SLC27A2: variants seen among roughly 807,000 people sequenced by gnomAD.
SLC27A2 encodes the protein long-chain fatty acid transport protein 2.
In SLC27A2, 54 loss-of-function variants were observed where a neutral mutation model predicts 60.0. The ratio of observed to expected loss-of-function variants is 0.90; its 90% CI spans 0.72 to 1.13. The LOEUF is 1.13. Among genes scored for constraint, SLC27A2 ranks in the 50% most tolerant of loss-of-function variants. The pLI is 0.00. For missense variants in SLC27A2, 739 were observed against 777.6 expected, an observed-to-expected ratio of 0.95 and a Z score of 0.59; for synonymous variants, 297 against 297.6, an observed-to-expected ratio of 1.00 and a Z score of 0.02.
chr15:50,224,066 A>G (rs1567436731), intron 5 of SLC27A2, among the ~76,000 whole-genome samples: 1 of 152,340 alleles, frequency 6.6e-6, no homozygotes, highest in East Asian at 1.9e-4. Flanking sequence ...CCTCAATTTC[A>G]TCATCTGTAA....
chr15:50,212,236 A>G (rs897629891), intron 4 of SLC27A2, among the ~76,000 whole-genome samples: 4 of 152,130 alleles, frequency 2.6e-5, no homozygotes, highest in Non-Finnish European at 5.9e-5. Flanking sequence ...AATTAACCCA[A>G]TAAATAAAGA....
intron 5 of SLC27A2, among the ~76,000 whole-genome samples, chr15:50,224,579 G>A (rs2045266609): frequency 6.6e-6 from 1 of 152,158 alleles, no homozygotes; most frequent in Non-Finnish European, 1.5e-5. Context: ...CTAATCTCAA[G>A]GTGTTCCCAA....
Position 50,183,373 on chromosome 15 carries a change from TCTC to T in SLC27A2, c.478+472_478+474del, listed in dbSNP as rs1202985153. 3.9e-5 allele frequency among the ~76,000 whole-genome samples: 6 copies of T among 152,204 alleles called. No homozygotes were observed. The East Asian group carries it at 7.7e-4, about 20-fold the overall frequency. ...GCTGTGTGATCATGGGAAAGTCACT[TCTC>T]CTCTCTGTCCCTTGGTTTGCTCCTC... On this transcript the variant is annotated intron_variant, in intron 1 of 9. Transcript: ENST00000267842.
At chr15:50,194,242 C>G (rs1458085518) in intron 1 of SLC27A2, among the ~76,000 whole-genome samples, 1 of 152,062 alleles carries the variant, frequency 6.6e-6, no homozygotes, top group African/African-American at 2.4e-5. Context: ...AAGGGAGCAG[C>G]TAACTTTGCA....
At chr15:50,209,867 A>T (rs911559853) in intron 4 of SLC27A2, among the ~76,000 whole-genome samples, 4 of 152,198 alleles carry the variant, frequency 2.6e-5, no homozygotes, top group Non-Finnish European at 5.9e-5. Context: ...AGAAAAACAC[A>T]CACAAGCACC....
chr15:50,229,107 C>A, intron 8 of SLC27A2, 65 bp downstream of exon 8: 3 of 1,080,688 alleles, frequency 2.8e-6, no homozygotes, highest in Non-Finnish European at 2.8e-6. Flanking sequence ...GGCCTCAAGG[C>A]GAAGTTTGTC....
intron 4 of SLC27A2, among the ~76,000 whole-genome samples, chr15:50,220,423 A>C (rs1285878381): frequency 6.6e-6 from 1 of 152,248 alleles, no homozygotes; most frequent in African/African-American, 2.4e-5. Context: ...GGAGTTTACC[A>C]TTTAATGAGG....
rs2045019347 is a variant in SLC27A2 at position 50,196,080 on chromosome 15, ATATATATATATATATATATATATAT to A, written c.479-1419_479-1395del. On this transcript the variant is annotated intron_variant, in intron 1 of 9. Coordinates refer to ENST00000267842, the MANE Select transcript of SLC27A2 (RefSeq NM_003645.4). ...AAAAAAAAAAAAAAAAAAAAAAAATATATATATATATATATATATATATATATATATATATATATATATATGTATG... is the reference window on the plus strand; with the variant it reads ...AAAAAAAAAAAAAAAAAAAAAAAATAATATATATATATATATATATGTATG... Among the ~76,000 whole-genome samples, 21 of 7,814 alleles carry A rather than the reference ATATATATATATATATATATATATAT, an allele frequency of 2.7e-3. 3 individuals carry two copies. Among genetic ancestry groups the A allele is most frequent in the African/African-American group, 0.014 (19 of 1,400 alleles). The allele number at this position is 7,814 out of a possible 152,430, so 5.1% of individuals were successfully genotyped here.
At chr15:50,193,561 G>C (rs139175702) in intron 1 of SLC27A2, among the ~76,000 whole-genome samples, 1 of 152,310 alleles carries the variant, frequency 6.6e-6, no homozygotes, top group African/African-American at 2.4e-5. Context: ...TTTAGCAGTA[G>C]GAGTTGTTGT....
At chr15:50,227,209 C>G (rs1255698031) in intron 7 of SLC27A2, 31 bp downstream of exon 7, 1 of 1,555,222 alleles carries the variant, frequency 6.4e-7, no homozygotes, top group African/African-American at 1.4e-5. Context: ...GAGCCAAAAA[C>G]AAACACACGC....
intron 7 of SLC27A2, among the ~76,000 whole-genome samples, chr15:50,228,723 C>G (rs541418362): frequency 1.3e-5 from 2 of 152,266 alleles, no homozygotes; most frequent in African/African-American, 4.8e-5. Context: ...TTTCATGTGG[C>G]AACATTGAAA....
At chr15:50,200,856 CA>C (rs2045058264) in intron 2 of SLC27A2, among the ~76,000 whole-genome samples, 1 of 152,184 alleles carries the variant, frequency 6.6e-6, no homozygotes, top group Non-Finnish European at 1.5e-5. Context: ...TTCAGACTGG[CA>C]AAGGCCCCAA....
intron 1 of SLC27A2, among the ~76,000 whole-genome samples, chr15:50,183,994 C>CTTTTTTTTTTTTTTTTTTTTTTTTTTTTT (rs577766814): frequency 5.5e-5 from 5 of 91,168 alleles, no homozygotes; most frequent in African/African-American, 7.3e-5. Context: ...TTTCCTACAT[C>CTTTTTTTTTTTTTTTTTTTTTTTTTTTTT]TTTTTTTTTT....
intron 1 of SLC27A2, among the ~76,000 whole-genome samples, chr15:50,184,213 A>T (rs1231704454): frequency 1.3e-5 from 2 of 151,742 alleles, no homozygotes; most frequent in African/African-American, 4.8e-5. Context: ...GGCTGGTCTC[A>T]AACTCCTGAG....
At chr15:50,189,479 G>C (rs186380020) in intron 1 of SLC27A2, among the ~76,000 whole-genome samples, 58 of 152,276 alleles carry the variant, frequency 3.8e-4, no homozygotes, top group Non-Finnish European at 1.2e-4. Context: ...TCCCAGCCTA[G>C]TAGCCCAAGG....
chr15:50,197,619 G>A lies in SLC27A2; in HGVS notation c.598G>A (p.Glu200Lys), dbSNP rs2140899947. ...TGACTCTTTCCTGGACAAAGTGGAT[G>A]AAGTATCAACTGAACCTATCCCAGA... is the stretch of plus-strand genomic sequence containing the variant. ...GIDSFLDKVD[E>K]VSTEPIPESW... is the part of the protein sequence containing the mutation. The change falls in exon 2 of 10, where the codon GAA becomes AAA. Residue 200 changes from glutamate to lysine, a missense_variant. Transcript: ENST00000267842. 3 of 1,613,990 alleles carry A rather than the reference G, an allele frequency of 1.9e-6. No individual in the cohort carries two copies. The highest frequency in any genetic ancestry group is 1.3e-5 in the African/African-American group (1 of 75,054).
At chr15:50,203,984 A>G (rs1052469233) in intron 3 of SLC27A2, among the ~76,000 whole-genome samples, 8 of 151,978 alleles carry the variant, frequency 5.3e-5, no homozygotes, top group Admixed American at 3.3e-4. Context: ...TAAGCCACCC[A>G]TCTGTACTAT....
At chr15:50,186,498 C>T (rs368061231) in intron 1 of SLC27A2, among the ~76,000 whole-genome samples, 5 of 152,126 alleles carry the variant, frequency 3.3e-5, no homozygotes, top group African/African-American at 4.8e-5. Flanking sequence ...GGTGCCGTGG[C>T]GCGATCTCGA....
rs536883915 is a variant in SLC27A2 at position 50,219,752 on chromosome 15, C to T, written c.973-3213C>T. On this transcript the variant is annotated intron_variant, in intron 4 of 9. Transcript: ENST00000267842. ...CCCACAGAAAAGCCTTCAATAGAAG[C>T]TTTCTGCCTGTGTTAATTACCTGGC... is the stretch of plus-strand genomic sequence containing the variant. Among the ~76,000 whole-genome samples the T allele has an allele frequency of 1.5e-4, 23 of 152,302 alleles. No homozygotes were observed. The South Asian group carries it at 4.8e-3, about 32-fold the overall frequency.
Sources: gnomAD v4.1 joint callset for allele counts (sites outside exome capture counted in the v4.1 genomes callset) on GRCh38, gnomAD v4.1.1 for gene constraint, MANE v1.5 for transcripts, NCBI Gene and HGNC (gene_info 2026-07-23, HGNC 2026-07-21) for gene names.